Variants in NLGN4X observed in about 807,000 individuals in gnomAD.
The protein encoded by NLGN4X is neuroligin-4, X-linked.
In NLGN4X, 3 loss-of-function variants were observed where a neutral mutation model predicts 40.3. That is an observed-to-expected ratio of 0.07 (90% confidence interval 0.03 to 0.19). The LOEUF (loss-of-function observed/expected upper bound fraction) is 0.19, where lower values mean the gene tolerates loss of function less well. Among genes scored for constraint, NLGN4X ranks in the 10% least tolerant of loss-of-function variants. The pLI is 1.00. For synonymous variants in NLGN4X, 270 were observed against 306.8 expected, an observed-to-expected ratio of 0.88 and a Z score of 1.25; for missense variants, 382 against 708.3, an observed-to-expected ratio of 0.54 and a Z score of 5.23.
At chrX:6,104,012 A>G (rs2038979710) in intron 2 of NLGN4X, among the ~76,000 whole-genome samples, 2 of 111,734 alleles carry the variant, frequency 1.8e-5, no homozygotes, top group African/African-American at 3.3e-5. Context: ...TGATTTGCAT[A>G]AGTGTGCATG....
chrX:5,953,094 C>T (rs2034370975), intron 3 of NLGN4X, among the ~76,000 whole-genome samples: 1 of 110,831 alleles, frequency 9.0e-6, no homozygotes, highest in Non-Finnish European at 1.9e-5. Flanking sequence ...TCCTATCAGC[C>T]GGGCACAGGT....
chrX:5,975,386 G>A (rs755519129), intron 3 of NLGN4X, among the ~76,000 whole-genome samples: 16 of 110,650 alleles, frequency 1.4e-4, no homozygotes, highest in African/African-American at 4.9e-4. Flanking sequence ...AGAGGTGGGT[G>A]GATCACTTGA....
At chrX:6,162,291 G>A (rs2040416488) in intron 1 of NLGN4X, among the ~76,000 whole-genome samples, 1 of 112,034 alleles carries the variant, frequency 8.9e-6, no homozygotes, top group African/African-American at 3.2e-5. Flanking sequence ...GGTTAATGCT[G>A]AGTGTCAACT....
chrX:5,939,510 TATATTA>T (rs2033849027), intron 3 of NLGN4X, among the ~76,000 whole-genome samples: 1 of 111,535 alleles, frequency 9.0e-6, no homozygotes, highest in Admixed American at 9.6e-5. Context: ...GCTGAATTAC[TATATTA>T]TAAAGTGTCC....
At chrX:5,937,662 C>T (rs112334696) in intron 3 of NLGN4X, among the ~76,000 whole-genome samples, 6 of 111,589 alleles carry the variant, frequency 5.4e-5, no homozygotes, top group African/African-American at 1.6e-4. Context: ...CTTTTGCTTA[C>T]GGCTGCCTCC....
At chrX:6,031,109 A>G (rs1383590223) in intron 2 of NLGN4X, among the ~76,000 whole-genome samples, 1 of 112,359 alleles carries the variant, frequency 8.9e-6, no homozygotes, top group East Asian at 2.8e-4. Context: ...TAACTTAACA[A>G]TATGAAATGA....
Position 5,892,552 on chromosome X carries a change from C to G in NLGN4X, c.*265G>C. On this transcript the variant is annotated 3_prime_UTR_variant, in exon 6 of 6. Coordinates refer to ENST00000381095, the MANE Select transcript of NLGN4X (RefSeq NM_181332.3). ...AAACATCGATTGGAGTGGTAGAGAT[C>G]TTAAAGCAGTTATTTTAACAGAAAT... The G allele has an allele frequency of 8.0e-6, 3 of 374,332 alleles. No individual in the cohort carries two copies. Among genetic ancestry groups the G allele is most frequent in the Non-Finnish European group, 1.4e-5 (3 of 212,603 alleles). The allele number at this position is 374,332 out of a possible 1,213,427, so 30.8% of individuals were successfully genotyped here.
intron 1 of NLGN4X, among the ~76,000 whole-genome samples, chrX:6,210,460 C>T (rs1271543848): frequency 9.0e-6 from 1 of 110,818 alleles, no homozygotes; most frequent in Non-Finnish European, 1.9e-5. Context: ...GGCGACAGAG[C>T]GAGACCCTGT....
Position 6,101,520 on chromosome X carries a change from T to C in NLGN4X, c.472+49475A>G, listed in dbSNP as rs1406745060. 2.7e-5 allele frequency among the ~76,000 whole-genome samples: 3 copies of C among 111,818 alleles called. No homozygotes were observed. In the East Asian group the frequency reaches 8.4e-4, roughly 31 times the overall value. The stretch of plus-strand genomic sequence containing the variant: ...GAATCAGATCCTGTCATTTACAACA[T>C]AGATAAAACTGGAGATCATTATGTT... On this transcript the variant is annotated intron_variant, in intron 2 of 5. Coordinates refer to ENST00000381095, the MANE Select transcript of NLGN4X (RefSeq NM_181332.3).
chrX:5,987,926 A>T (rs1388678223), intron 3 of NLGN4X, among the ~76,000 whole-genome samples: 3 of 111,463 alleles, frequency 2.7e-5, no homozygotes, highest in Non-Finnish European at 5.7e-5. Flanking sequence ...TATTTAAAAA[A>T]ATTAGCTTGG....
At chrX:6,203,720 CCT>C (rs755273122) in intron 1 of NLGN4X, among the ~76,000 whole-genome samples, 2 of 112,451 alleles carry the variant, frequency 1.8e-5, no homozygotes, top group Non-Finnish European at 3.8e-5. Flanking sequence ...AACTGCAAGC[CCT>C]GTCTACAACT....
At chrX:6,092,834 G>T (rs867093357) in intron 2 of NLGN4X, among the ~76,000 whole-genome samples, 9 of 111,217 alleles carry the variant, frequency 8.1e-5, no homozygotes, top group Middle Eastern at 9.3e-3. Flanking sequence ...AGATATGTCT[G>T]GGAAAATCTT....
In NLGN4X at chrX:6,200,920, G is replaced by A. The variant is rs185923353; in HGVS notation, c.-306+27621C>T. 1.2e-3 allele frequency among the ~76,000 whole-genome samples: 136 copies of A among 109,144 alleles called. 1 individual carries two copies. Among genetic ancestry groups the A allele is most frequent in the African/African-American group, 4.2e-3 (126 of 29,902 alleles). The allele number at this position is 109,144 out of a possible 115,157, so 94.8% of individuals were successfully genotyped here. Reference sequence around the variant, plus strand: ...TCCCTATGTTGCCCAGGCTGGTCTCGAACTCCTGGGATCAAGCAGTCCTCC... The same window carrying A: ...TCCCTATGTTGCCCAGGCTGGTCTCAAACTCCTGGGATCAAGCAGTCCTCC... On this transcript the variant is annotated intron_variant, in intron 1 of 5. Coordinates refer to ENST00000381095, the MANE Select transcript of NLGN4X (RefSeq NM_181332.3).
intron 2 of NLGN4X, among the ~76,000 whole-genome samples, chrX:6,077,635 A>C (rs1001701313): frequency 4.5e-5 from 5 of 110,685 alleles, no homozygotes; most frequent in Admixed American, 9.7e-5. Context: ...CTTTTCCTTA[A>C]AATTTTGTCG....
chrX:5,944,650 C>CAAAAAAAAAAAAAAAAAAAAAAAAAAA (rs750871231), intron 3 of NLGN4X, among the ~76,000 whole-genome samples: 1 of 25,576 alleles, frequency 3.9e-5, no homozygotes, highest in Non-Finnish European at 7.6e-5. Context: ...GACTCTGTCT[C>CAAAAAAAAAAAAAAAAAAAAAAAAAAA]AAAAAAAAAA....
chrX:5,973,434 C>A (rs1391493649), intron 3 of NLGN4X, among the ~76,000 whole-genome samples: 1 of 112,350 alleles, frequency 8.9e-6, no homozygotes, highest in Non-Finnish European at 1.9e-5. Flanking sequence ...AAGAAAGTGG[C>A]CAAGATGCAT....
In NLGN4X at chrX:6,225,677, CTTTCTTTT is replaced by C. The variant is rs1299709957; in HGVS notation, c.-306+2856_-306+2863del. Among the ~76,000 whole-genome samples, 246 of 40,464 alleles carry C rather than the reference CTTTCTTTT, an allele frequency of 6.1e-3. 3 individuals are homozygous for C. The highest frequency in any genetic ancestry group is 9.5e-3 in the Admixed American group (28 of 2,933). 35.1% of individuals were successfully genotyped at this position (40,464 alleles called of 115,157 possible). ...TAAACTTTTTCTTTTCCTTTTTTTT[CTTTCTTTT>C]TTTCTTTTTTTTTTTTTTTTTTTTT... On this transcript the variant is annotated intron_variant, in intron 1 of 5. Coordinates refer to ENST00000381095, the MANE Select transcript of NLGN4X (RefSeq NM_181332.3).
Position 6,116,290 on chromosome X carries a change from C to CAAAAAAAAAA in NLGN4X, c.472+34695_472+34704dup, listed in dbSNP as rs758019203. Among the ~76,000 whole-genome samples, 161 of 16,166 alleles carry CAAAAAAAAAA rather than the reference C, an allele frequency of 1.0e-2. 33 individuals carry two copies. The highest frequency in any genetic ancestry group is 0.026 in the South Asian group (2 of 77). 14.0% of individuals were successfully genotyped at this position (16,166 alleles called of 115,157 possible). On this transcript the variant is annotated intron_variant, in intron 2 of 5. Coordinates refer to ENST00000381095, the MANE Select transcript of NLGN4X (RefSeq NM_181332.3). The stretch of plus-strand genomic sequence containing the variant: ...CCTGGGCGACAGACCGAGACTCTGT[C>CAAAAAAAAAA]AAAAAAAAAAAAAAAAAAAAAAAAA...
rs189392486 is a variant in NLGN4X at position 6,166,457 on chromosome X, G to A, written c.-305-14686C>T. On this transcript the variant is annotated intron_variant, in intron 1 of 5. Coordinates refer to ENST00000381095, the MANE Select transcript of NLGN4X (RefSeq NM_181332.3). ...CAATAAAACCGATTTCCTTTTATGC[G>A]TTATTTACCTTATTGTATGACTTAA... 5.1e-4 allele frequency among the ~76,000 whole-genome samples: 57 copies of A among 111,271 alleles called. 1 individual carries two copies. The highest frequency in any genetic ancestry group is 3.9e-3 in the Admixed American group (40 of 10,356).
Sources: allele counts gnomAD v4.1 joint callset (sites outside exome capture counted in the v4.1 genomes callset), GRCh38; gene constraint gnomAD v4.1.1; transcripts MANE v1.5; gene names NCBI Gene and HGNC (gene_info 2026-07-23, HGNC 2026-07-21).